The following PTPRT variants were observed in gnomAD, a reference collection of about 807,000 sequenced individuals.
PTPRT encodes receptor-type tyrosine-protein phosphatase T.
In PTPRT, 56 loss-of-function variants were observed where a neutral mutation model predicts 176.8. That is an observed-to-expected ratio of 0.32 (90% CI 0.26 to 0.40). PTPRT has a LOEUF of 0.40. PTPRT is among the 10% of genes least tolerant of loss of function. PTPRT has a pLI of 1.00. For synonymous variants in PTPRT, 783 were observed against 739.0 expected (o/e 1.06, Z -0.96); for missense variants, 1,540 against 1,908.2 (o/e 0.81, Z 3.60).
intron 16 of PTPRT, among the ~76,000 whole-genome samples, chr20:42,197,132 C>A (rs1991252584): frequency 6.6e-6 from 1 of 152,104 alleles, no homozygotes; most frequent in Non-Finnish European, 1.5e-5. Context: ...GTAATCCCAG[C>A]ACTTTGGGAG....
At chr20:42,574,272 G>A (rs1377689602) in intron 7 of PTPRT, among the ~76,000 whole-genome samples, 1 of 152,190 alleles carries the variant, frequency 6.6e-6, no homozygotes, top group Admixed American at 6.5e-5. Context: ...GGGCTCTGCA[G>A]TTTGCACTAT....
chr20:42,083,066 CA>C (rs1983500848), intron 29 of PTPRT, among the ~76,000 whole-genome samples: 1 of 122,408 alleles, frequency 8.2e-6, no homozygotes, highest in African/African-American at 3.1e-5. Flanking sequence ...TCCTTTGGCT[CA>C]AACTACTGGC....
intron 2 of PTPRT, among the ~76,000 whole-genome samples, chr20:42,861,375 A>G (rs1231635426): frequency 6.6e-6 from 1 of 152,220 alleles, no homozygotes; most frequent in Non-Finnish European, 1.5e-5. Flanking sequence ...TGATTGATAA[A>G]TTAAGACCCA....
At chr20:42,120,011 C>A in intron 19 of PTPRT, 40 bp from the exon 20 acceptor site, 2 of 1,565,208 alleles carry the variant, frequency 1.3e-6, no homozygotes, top group South Asian at 1.2e-5. Flanking sequence ...AGTCTGTTGT[C>A]AAAGCTTGCA....
In PTPRT at chr20:43,125,178, T is replaced by TA. The variant is rs1555835435; in HGVS notation, c.88+64467dup. 1.7e-4 allele frequency among the ~76,000 whole-genome samples: 25 copies of TA among 143,538 alleles called. No homozygotes were observed. In the East Asian group the frequency reaches 3.0e-3, roughly 17 times the overall value. The allele number at this position is 143,538 out of a possible 152,430, so 94.2% of individuals were successfully genotyped here. On this transcript the variant is annotated intron_variant, in intron 1 of 30. Coordinates refer to ENST00000373187, the MANE Select transcript of PTPRT (RefSeq NM_007050.6). ...ACCTAGCTGATTTTTTTTTTTTTTT[T>TA]AAGTAGAAATGAGGTTTCATCATGT...
chr20:42,221,656 A>C (rs2055889088), intron 15 of PTPRT, among the ~76,000 whole-genome samples: 1 of 152,016 alleles, frequency 6.6e-6, no homozygotes, highest in Non-Finnish European at 1.5e-5. Flanking sequence ...AGTAGCTGGA[A>C]CCACAGGTGC....
intron 14 of PTPRT, among the ~76,000 whole-genome samples, chr20:42,238,561 CT>C (rs2056289737): frequency 6.6e-6 from 1 of 152,208 alleles, no homozygotes; most frequent in Non-Finnish European, 1.5e-5. Context: ...GGTGATTCCC[CT>C]GGGACACAAA....
intron 1 of PTPRT, among the ~76,000 whole-genome samples, chr20:43,056,159 C>G (rs1388506182): frequency 1.3e-5 from 2 of 152,126 alleles, no homozygotes; most frequent in Non-Finnish European, 2.9e-5. Flanking sequence ...ATATTGTCAA[C>G]CTGAAATGGG....
intron 9 of PTPRT, among the ~76,000 whole-genome samples, chr20:42,419,655 T>C (rs2059098918): frequency 6.6e-6 from 1 of 152,132 alleles, no homozygotes; most frequent in Non-Finnish European, 1.5e-5. Context: ...GGATTTCCTC[T>C]CCTCCAGCCC....
intron 3 of PTPRT, among the ~76,000 whole-genome samples, chr20:42,780,555 C>T (rs773988628): frequency 6.6e-6 from 1 of 152,166 alleles, no homozygotes; most frequent in Non-Finnish European, 1.5e-5. Context: ...GCAGGAAAAA[C>T]AACCCAAACA....
At chr20:42,640,109 T>C (rs188032524) in intron 7 of PTPRT, among the ~76,000 whole-genome samples, 2 of 152,284 alleles carry the variant, frequency 1.3e-5, no homozygotes, top group African/African-American at 2.4e-5. Flanking sequence ...CACACCTCTG[T>C]ACCTGCCCTC....
At chr20:43,083,341 T>TACAC (rs1176393671) in intron 1 of PTPRT, among the ~76,000 whole-genome samples, 1 of 40,666 alleles carries the variant, frequency 2.5e-5, no homozygotes, top group African/African-American at 7.0e-5. Flanking sequence ...TATATATATA[T>TACAC]ATATATATAT....
chr20:42,455,100 C>G (rs946370145), intron 8 of PTPRT, among the ~76,000 whole-genome samples: 7 of 152,108 alleles, frequency 4.6e-5, no homozygotes, highest in African/African-American at 1.7e-4. Context: ...ATGATAATTC[C>G]AAATCCATTG....
chr20:42,057,769 G>A, the PTPRT span, among the ~76,000 whole-genome samples: 1 of 152,014 alleles, frequency 6.6e-6, no homozygotes, highest in South Asian at 2.1e-4. Context: ...TGTAGAGATT[G>A]GGTCTTGCTA....
chr20:43,098,483 G>A (rs775966158), intron 1 of PTPRT, among the ~76,000 whole-genome samples: 34 of 151,780 alleles, frequency 2.2e-4, no homozygotes, highest in East Asian at 3.9e-4. Context: ...CTAAGTATTC[G>A]TTAAATAAGA....
rs1460879162 is a variant in PTPRT at position 42,205,039 on chromosome 20, T to C, written c.2343-5651A>G. Among the ~76,000 whole-genome samples the C allele has an allele frequency of 2.4e-5, 3 of 125,608 alleles. No individual in the cohort carries two copies. In the East Asian group the frequency reaches 7.6e-4, roughly 32 times the overall value. The allele number at this position is 125,608 out of a possible 152,430, so 82.4% of individuals were successfully genotyped here. The stretch of plus-strand genomic sequence containing the variant: ...GTGCACAACGTGCAGGTTTGTTACA[T>C]ATGTATACATGTGCCATGTTGGTCT... On this transcript the variant is annotated intron_variant, in intron 15 of 30. Coordinates refer to ENST00000373187, the MANE Select transcript of PTPRT (RefSeq NM_007050.6).
chr20:42,627,325 T>C (rs774974426), intron 7 of PTPRT, among the ~76,000 whole-genome samples: 1 of 152,060 alleles, frequency 6.6e-6, no homozygotes, highest in Non-Finnish European at 1.5e-5. Flanking sequence ...CTCTTTCACC[T>C]AGGCTAGAGC....
rs1016562883 is a variant in PTPRT, at chr20:42,080,533, T to C, written c.*346A>G. ...GGGGAGCCTCCCACTCCCCAGCACC[T>C]GCACAGTTGGCTTGCCAAGAGATCC... On this transcript the variant is annotated 3_prime_UTR_variant, in exon 31 of 31. Transcript: ENST00000373187. The C allele has an allele frequency of 6.3e-5, 19 of 300,168 alleles. No individual in the cohort carries two copies. Among genetic ancestry groups the C allele is most frequent in the African/African-American group, 3.6e-4 (17 of 46,620 alleles). 18.6% of individuals were successfully genotyped at this position (300,168 alleles called of 1,614,324 possible). A position where few individuals can be genotyped will look rare whatever the true frequency, so the allele number is the denominator to read the frequency against.
chr20:42,893,659 C>T (rs982101436), intron 1 of PTPRT, among the ~76,000 whole-genome samples: 9 of 151,860 alleles, frequency 5.9e-5, no homozygotes, highest in South Asian at 2.1e-4. Flanking sequence ...GGCACATATA[C>T]ACCATGGAAT....
Sources: gnomAD v4.1 joint callset for allele counts (sites outside exome capture counted in the v4.1 genomes callset) on GRCh38, gnomAD v4.1.1 for gene constraint, MANE v1.5 for transcripts, NCBI Gene and HGNC (gene_info 2026-07-23, HGNC 2026-07-21) for gene names.